RBFOX1: variants seen among roughly 807,000 people sequenced by gnomAD.
The protein encoded by RBFOX1 is RNA binding fox-1 homolog 1.
Under a neutral mutation model 57.7 loss-of-function variants are expected in RBFOX1, and 8 were observed. The ratio of observed to expected loss-of-function variants is 0.14; its 90% CI spans 0.08 to 0.25. The LOEUF is 0.25. Ranked by LOEUF, RBFOX1 falls within the 10% of genes least tolerant of loss-of-function variation. The pLI, the probability that RBFOX1 is intolerant of heterozygous loss-of-function variation, is 1.00. For synonymous variants in RBFOX1, 326 were observed against 222.4 expected, an observed-to-expected ratio of 1.47 and a Z score of -4.15; for missense variants, 611 against 548.5, an observed-to-expected ratio of 1.11 and a Z score of -1.14.
intron 4 of RBFOX1, among the ~76,000 whole-genome samples, chr16:5,910,521 A>C (rs143785528): frequency 2.0e-5 from 3 of 150,402 alleles, no homozygotes; most frequent in Non-Finnish European, 4.4e-5. Context: ...TGTAGATGGG[A>C]TAGGTAGAAA....
intron 4 of RBFOX1, among the ~76,000 whole-genome samples, chr16:6,005,260 C>T (rs1046988798): frequency 6.6e-6 from 1 of 152,160 alleles, no homozygotes; most frequent in African/African-American, 2.4e-5. Flanking sequence ...ATACAATAGC[C>T]ATTTAAGGAA....
intron 5 of RBFOX1, among the ~76,000 whole-genome samples, chr16:7,558,183 A>G (rs1320737064): frequency 6.6e-6 from 1 of 152,072 alleles, no homozygotes; most frequent in African/African-American, 2.4e-5. Context: ...GCAAAACTCC[A>G]TATCCACTAA....
chr16:6,443,500 T>G (rs188507531), intron 2 of RBFOX1, among the ~76,000 whole-genome samples: 1 of 152,180 alleles, frequency 6.6e-6, no homozygotes, highest in South Asian at 2.1e-4. Context: ...CACAAGGACC[T>G]TCCTGAAAAT....
At chr16:7,518,048 G>T (rs760992828) in intron 4 of RBFOX1, 99 bp from the exon 5 acceptor site, 3 of 1,451,004 alleles carry the variant, frequency 2.1e-6, no homozygotes, top group Non-Finnish European at 2.8e-6. Flanking sequence ...CCCCTAGAAA[G>T]TACGCGGGGC....
At chr16:5,682,282 C>A (rs112657501) in intron 3 of RBFOX1, among the ~76,000 whole-genome samples, 16 of 152,186 alleles carry the variant, frequency 1.1e-4, no homozygotes, top group African/African-American at 2.7e-4. Flanking sequence ...CACCATTAAT[C>A]CCCTTTGTGG....
intron 5 of RBFOX1, among the ~76,000 whole-genome samples, chr16:7,567,121 C>A (rs372671093): frequency 4.0e-5 from 4 of 99,412 alleles, no homozygotes; most frequent in Non-Finnish European, 4.4e-5. Context: ...CCATATATAT[C>A]TCCCTATATA....
At chr16:5,818,389 GTGTCCTATT>G (rs1295598426) in intron 3 of RBFOX1, among the ~76,000 whole-genome samples, 3 of 152,186 alleles carry the variant, frequency 2.0e-5, no homozygotes, top group Non-Finnish European at 4.4e-5. Context: ...GGATACCATT[GTGTCCTATT>G]TCCTGCTCTT....
At chr16:7,000,585 T>C (rs2092691106) in intron 3 of RBFOX1, among the ~76,000 whole-genome samples, 1 of 98,214 alleles carries the variant, frequency 1.0e-5, no homozygotes. Context: ...TTTTTTTCTT[T>C]CTTTTTCTTT....
chr16:5,975,247 C>G (rs2060038423), intron 4 of RBFOX1, among the ~76,000 whole-genome samples: 1 of 152,216 alleles, frequency 6.6e-6, no homozygotes. Context: ...TACTTTCTAA[C>G]TGCATCGCTA....
chr16:6,383,223 A>G (rs73532341), intron 2 of RBFOX1, among the ~76,000 whole-genome samples: 2,375 of 152,360 alleles, frequency 0.016, 67 homozygotes, highest in African/African-American at 0.053. Context: ...GGCAGCCTGG[A>G]TGAAATAGAT....
intron 3 of RBFOX1, among the ~76,000 whole-genome samples, chr16:6,973,528 T>C (rs1342724744): frequency 1.3e-5 from 2 of 152,218 alleles, no homozygotes; most frequent in Non-Finnish European, 2.9e-5. Flanking sequence ...AAGCTCAACG[T>C]TGATTTTTCA....
chr16:5,702,963 G>A (rs772475638), intron 3 of RBFOX1, among the ~76,000 whole-genome samples: 8 of 152,184 alleles, frequency 5.3e-5, no homozygotes, highest in Admixed American at 2.0e-4. Context: ...ATGTTACTAT[G>A]TGACAAACAT....
intron 4 of RBFOX1, among the ~76,000 whole-genome samples, chr16:6,000,085 G>T (rs2060570354): frequency 6.6e-6 from 1 of 151,934 alleles, no homozygotes; most frequent in African/African-American, 2.4e-5. Context: ...AGAGAGAAGG[G>T]TGTGTCTGCC....
intron 2 of RBFOX1, among the ~76,000 whole-genome samples, chr16:5,580,530 C>G (rs916040054): frequency 1.3e-5 from 2 of 152,190 alleles, no homozygotes; most frequent in Admixed American, 6.5e-5. Context: ...TAGCTCAGAG[C>G]CAGGGCTGCT....
At chr16:7,238,193 A>C (rs2093872297) in intron 4 of RBFOX1, among the ~76,000 whole-genome samples, 1 of 152,202 alleles carries the variant, frequency 6.6e-6, no homozygotes, top group African/African-American at 2.4e-5. Flanking sequence ...AGAAAAGAGG[A>C]ATGGTGAGTT....
chr16:6,623,698 G>C (rs949568434), intron 2 of RBFOX1, among the ~76,000 whole-genome samples: 2 of 151,860 alleles, frequency 1.3e-5, no homozygotes, highest in Non-Finnish European at 2.9e-5. Context: ...TGCGGTGTTT[G>C]GTTTTTTGTC....
At chr16:7,055,001 C>G (rs1194707633) in intron 4 of RBFOX1, among the ~76,000 whole-genome samples, 1 of 152,122 alleles carries the variant, frequency 6.6e-6, no homozygotes, top group Non-Finnish European at 1.5e-5. Flanking sequence ...TTAGGATCTC[C>G]TTTCTTTTTC....
chr16:7,098,938 T>C (rs1158816962), intron 4 of RBFOX1, among the ~76,000 whole-genome samples: 2 of 152,198 alleles, frequency 1.3e-5, no homozygotes, highest in Non-Finnish European at 2.9e-5. Context: ...TGAGGTTGTT[T>C]TTCAACTGAT....
chr16:6,960,853 T>G (rs12928397), intron 3 of RBFOX1, among the ~76,000 whole-genome samples: 92,302 of 151,244 alleles, frequency 0.61, 28,280 homozygotes, highest in Non-Finnish European at 0.63. Flanking sequence ...ATGCCTCAGG[T>G]CCGGGTGCAG....
Sources: gnomAD v4.1 joint callset for allele counts (sites outside exome capture counted in the v4.1 genomes callset) on GRCh38, gnomAD v4.1.1 for gene constraint, MANE v1.5 for transcripts, NCBI Gene and HGNC (gene_info 2026-07-23, HGNC 2026-07-21) for gene names.